The following NAV1 variants were observed in gnomAD, a reference collection of about 807,000 sequenced individuals.
NAV1 encodes pore membrane and/or filament interacting like protein 3.
Under a neutral mutation model 175.2 loss-of-function variants are expected in NAV1, and 18 were observed. That is an observed-to-expected ratio of 0.10 (90% CI 0.07 to 0.15). NAV1 has a LOEUF of 0.15. NAV1 is among the 10% of genes least tolerant of loss of function. NAV1 has a pLI of 1.00. For synonymous variants in NAV1, 897 were observed against 978.7 expected (o/e 0.92, Z 1.56); for missense variants, 1,731 against 2,436.6 (o/e 0.71, Z 6.10).
intron 3 of NAV1, among the ~76,000 whole-genome samples, chr1:201,739,001 T>C (rs931397162): frequency 4.6e-5 from 7 of 151,936 alleles, no homozygotes; most frequent in South Asian, 4.2e-4. Flanking sequence ...GCAGGCTAAT[T>C]CCCCCCACAG....
exon 30 of NAV1, chr1:201,826,031 T>G (rs1679651447): frequency 6.6e-6 from 1 of 152,224 alleles, no homozygotes; most frequent in Admixed American, 6.5e-5. Flanking sequence ...AATAGCTGAT[T>G]GGGCCATGGA....
intron 1 of NAV1, among the ~76,000 whole-genome samples, chr1:201,711,626 A>G (rs1571900332): frequency 6.6e-6 from 1 of 152,152 alleles, no homozygotes; most frequent in South Asian, 2.1e-4. Context: ...GGAGAGCCAG[A>G]GTTCTTGGGT....
exon 29 of NAV1, chr1:201,817,090 C>G: frequency 6.2e-7 from 1 of 1,613,774 alleles, no homozygotes; most frequent in Non-Finnish European, 8.5e-7. Context: ...CTTTCCAGGT[C>G]CATGGACAGA....
chr1:201,557,844 A>G (rs1339278137), intron 1 of NAV1, among the ~76,000 whole-genome samples: 3 of 152,206 alleles, frequency 2.0e-5, no homozygotes, highest in South Asian at 2.1e-4. Flanking sequence ...AGTTGGCTGT[A>G]GAAGGACGAA....
At chr1:201,666,881 C>G (rs1669843694) in intron 1 of NAV1, among the ~76,000 whole-genome samples, 1 of 152,034 alleles carries the variant, frequency 6.6e-6, no homozygotes, top group South Asian at 2.1e-4. Flanking sequence ...AGGCAGCCAC[C>G]CTCCACCATG....
chr1:201,746,335 C>T (rs1289175203), intron 3 of NAV1, among the ~76,000 whole-genome samples: 1 of 152,024 alleles, frequency 6.6e-6, no homozygotes, highest in African/African-American at 2.4e-5. Flanking sequence ...TTGGACATAC[C>T]ATATTTATGC....
intron 3 of NAV1, among the ~76,000 whole-genome samples, chr1:201,742,671 C>G (rs963441513): frequency 1.2e-4 from 18 of 152,168 alleles, no homozygotes; most frequent in Non-Finnish European, 1.2e-4. Flanking sequence ...ACAAGACTCG[C>G]TCACTACGGT....
exon 11 of NAV1, chr1:201,789,775 T>C: frequency 1.2e-6 from 2 of 1,614,014 alleles, no homozygotes; most frequent in Non-Finnish European, 1.7e-6. Flanking sequence ...CTCCAGTGCC[T>C]CCTCCACCTA....
rs1673351916 is a variant in NAV1 at position 201,740,514 on chromosome 1, CCCAGG to C, written c.1226+21760_1226+21764del. Among the ~76,000 whole-genome samples, 1 of 152,096 alleles carries C rather than the reference CCCAGG, an allele frequency of 6.6e-6. No homozygotes were observed. Among genetic ancestry groups the C allele is most frequent in the African/African-American group, 2.4e-5 (1 of 41,398 alleles). Reference sequence around the variant, plus strand: ...GGTGGAAGGAGGAGGGGCTTGCAGCCCCAGGTCGGCCCTGCCAAGGTCACCCTAGT... The same window carrying C: ...GGTGGAAGGAGGAGGGGCTTGCAGCCTCGGCCCTGCCAAGGTCACCCTAGT... On this transcript the variant is annotated intron_variant, in intron 3 of 29. Coordinates refer to ENST00000367296, the Ensembl canonical transcript of NAV1. This position sits in a 1 kb window ranked among gnomAD's most constrained non-coding sequence, Gnocchi z 4.7.
chr1:201,816,875 C>A, intron 28 of NAV1: 1 of 554,460 alleles, frequency 1.8e-6, no homozygotes, highest in Non-Finnish European at 3.2e-6. Context: ...GGTTTCACCA[C>A]GTTGGCCAGG....
At chr1:201,552,779 G>A (rs781720311) in intron 1 of NAV1, among the ~76,000 whole-genome samples, 14 of 152,190 alleles carry the variant, frequency 9.2e-5, no homozygotes, top group Non-Finnish European at 1.6e-4. Flanking sequence ...CAGGCAAAGG[G>A]ATGGAGCGAA....
intron 1 of NAV1, among the ~76,000 whole-genome samples, chr1:201,571,668 A>C (rs1265676639): frequency 6.6e-6 from 1 of 152,224 alleles, no homozygotes; most frequent in East Asian, 1.9e-4. Flanking sequence ...AAGCCTGGCT[A>C]GGCGTTCTGT....
chr1:201,726,531 C>T (rs555403818), intron 3 of NAV1, among the ~76,000 whole-genome samples: 1 of 151,770 alleles, frequency 6.6e-6, no homozygotes, highest in East Asian at 1.9e-4. Flanking sequence ...ACCTGTAATC[C>T]CAGCTGCTCA....
intron 1 of NAV1, among the ~76,000 whole-genome samples, chr1:201,654,676 T>C (rs893666885): frequency 6.6e-6 from 1 of 152,040 alleles, no homozygotes; most frequent in African/African-American, 2.4e-5. Context: ...GCCAAGTCCC[T>C]TTCTCTCTGC....
At chr1:201,598,637 T>C (rs1667428765) in intron 2 of NAV1, among the ~76,000 whole-genome samples, 1 of 152,334 alleles carries the variant, frequency 6.6e-6, no homozygotes, top group Middle Eastern at 3.4e-3. Context: ...GGTGGAGCTG[T>C]GACCTTGGAC....
At chr1:201,642,565 T>TCTTCC (rs1668824578) in intron 2 of NAV1, among the ~76,000 whole-genome samples, 1 of 50,732 alleles carries the variant, frequency 2.0e-5, no homozygotes, top group Non-Finnish European at 4.8e-5. Context: ...TTTTTCCCTT[T>TCTTCC]CTTCCCTTCC....
intron 1 of NAV1, among the ~76,000 whole-genome samples, chr1:201,665,726 G>GAA (rs1669800459): frequency 1.3e-5 from 2 of 151,900 alleles, no homozygotes; most frequent in Admixed American, 1.3e-4. Flanking sequence ...CACCTTTGGA[G>GAA]AATCATCATT....
rs11804200 is a variant in NAV1, at chr1:201,732,983, A to C, written c.1226+14228A>C. ...CTCCTCAGGAGGCTGAGACATAAGA[A>C]TTGCTTGAACCCAGGAGGCGGAGGT... is the stretch of plus-strand genomic sequence containing the variant. On this transcript the variant is annotated intron_variant, in intron 3 of 29. Transcript: ENST00000367296. 3.9e-4 allele frequency among the ~76,000 whole-genome samples: 59 copies of C among 152,110 alleles called. 1 individual carries two copies. The highest frequency in any genetic ancestry group is 9.4e-4 in the African/African-American group (39 of 41,488).
chr1:201,569,464 C>T (rs913383135), intron 1 of NAV1, among the ~76,000 whole-genome samples: 2 of 152,240 alleles, frequency 1.3e-5, no homozygotes, highest in Non-Finnish European at 2.9e-5. Context: ...GCACCAGGGA[C>T]ACTGGAAAGG....
Sources: gnomAD v4.1 joint callset for allele counts (sites outside exome capture counted in the v4.1 genomes callset) on GRCh38, gnomAD v4.1.1 for gene constraint, Gnocchi (gnomAD v3.1) non-coding constraint, MANE v1.5 for transcripts, NCBI Gene and HGNC (gene_info 2026-07-23, HGNC 2026-07-21) for gene names.